The following CDC45 variants were observed in gnomAD, a reference collection of about 807,000 sequenced individuals.
CDC45 encodes the protein cell division cycle 45, also known as cell division control protein 45 homolog.
In CDC45, 54 loss-of-function variants were observed where a neutral mutation model predicts 77.8. The observed-to-expected ratio is 0.69, with a 90% confidence interval of 0.56 to 0.87. CDC45 has a LOEUF of 0.87. Among genes scored for constraint, CDC45 ranks in the 40% least tolerant of loss-of-function variants. The probability of loss-of-function intolerance (pLI) is 0.00; values close to 1 mark genes in which losing one functional copy is unlikely to be tolerated. For missense variants in CDC45, 649 were observed against 721.6 expected (o/e 0.90, Z 1.15); for synonymous variants, 260 against 272.1 (o/e 0.96, Z 0.44).
Position 19,484,018 on chromosome 22 carries a change from C to A in CDC45, c.486+13C>A. On this transcript the variant is annotated intron_variant, in intron 5 of 18. Coordinates refer to ENST00000263201, the MANE Select transcript of CDC45 (RefSeq NM_003504.5). ...ACGGTTAGAAGAGGTGAGTTTGGGTCTCTCACAGCTATCCCAGAGGAACTT... is the reference window on the plus strand; with the variant it reads ...ACGGTTAGAAGAGGTGAGTTTGGGTATCTCACAGCTATCCCAGAGGAACTT... 6.3e-7 allele frequency: 1 copy of A among 1,584,906 alleles called. No individual in the cohort carries two copies. Among genetic ancestry groups the A allele is most frequent in the South Asian group, 1.2e-5 (1 of 85,702 alleles).
At chr22:19,505,136 C>G (rs1010431520) in intron 9 of CDC45, 1 of 551,828 alleles carries the variant, frequency 1.8e-6, no homozygotes, top group Non-Finnish European at 3.3e-6. Context: ...CCATGAGGAC[C>G]GGAGGTGGAC....
At position 19,512,839 on chromosome 22, in the gene CDC45, G is replaced by T. The variant is rs2283654; in HGVS notation, c.1218-1910G>T. On this transcript the variant is annotated intron_variant, in intron 13 of 18. Transcript: ENST00000263201. Reference sequence around the variant, plus strand: ...CCTGAGGCTGAGTAATTTATAAAGAGAAAAGGTTTATTTGCCTCATAATTC... The same window carrying T: ...CCTGAGGCTGAGTAATTTATAAAGATAAAAGGTTTATTTGCCTCATAATTC... 1.8e-4 allele frequency among the ~76,000 whole-genome samples: 27 copies of T among 152,320 alleles called. 1 individual carries two copies. Among genetic ancestry groups the T allele is most frequent in the Admixed American group, 1.2e-3 (18 of 15,292 alleles).
At chr22:19,483,293 A>T (rs558367122) in intron 4 of CDC45, among the ~76,000 whole-genome samples, 1 of 152,106 alleles carries the variant, frequency 6.6e-6, no homozygotes, top group South Asian at 2.1e-4. Flanking sequence ...TTAGCCAGGC[A>T]TAGTGTTGGA....
At chr22:19,495,513 A>C (rs1186355382) in intron 6 of CDC45, among the ~76,000 whole-genome samples, 2 of 152,214 alleles carry the variant, frequency 1.3e-5, no homozygotes, top group Non-Finnish European at 2.9e-5. Context: ...ACACATATAC[A>C]TTCTGCTAAA....
intron 18 of CDC45, 141 bp downstream of exon 18, chr22:19,519,050 A>AT: frequency 2.9e-6 from 2 of 696,154 alleles, no homozygotes; most frequent in East Asian, 2.5e-5. Flanking sequence ...GAGCCAACAC[A>AT]TTTTTCCCAA....
At position 19,480,963 on chromosome 22, in the gene CDC45, A is replaced by G. The variant is rs995733252; in HGVS notation, c.122A>G (p.Gln41Arg). 4.3e-6 allele frequency: 7 copies of G among 1,611,116 alleles called. No homozygotes were observed. The African/African-American group carries it at 9.4e-5, about 22-fold the overall frequency. The change falls in exon 3 of 19, where the codon CAG becomes CGG. Residue 41 changes from glutamine to arginine, a missense_variant. Transcript: ENST00000263201. ...ACACTCTCTCTCCAGGCCTTGTTCC[A>G]GTGTGACCACGTGCAATATACGCTG... ...CACKILQALFQCDHVQYTLVP... is the reference protein window; with the variant it reads ...CACKILQALFRCDHVQYTLVP...
rs2073760 is a variant in CDC45, at chr22:19,518,933, G to T, written c.*1+24G>T. The T allele has an allele frequency of 0.39, 625,096 of 1,589,674 alleles. 127,956 individuals are homozygous for T. Among genetic ancestry groups the T allele is most frequent in the South Asian group, 0.44 (39,935 of 90,548 alleles). ...GGGTGAGTTACAGGGGTTCTGCAGG[G>T]GTGGCTGCAGCAGCCCCCTCAGAGC... On this transcript the variant is annotated intron_variant, in intron 18 of 18. Transcript: ENST00000263201.
At chr22:19,517,558 C>T (rs183217034) in intron 17 of CDC45, among the ~76,000 whole-genome samples, 20 of 152,326 alleles carry the variant, frequency 1.3e-4, no homozygotes, top group Middle Eastern at 6.8e-3. Context: ...TAACAAAGTG[C>T]CACAGACAGG....
intron 4 of CDC45, among the ~76,000 whole-genome samples, chr22:19,483,206 G>T (rs1399669942): frequency 1.3e-5 from 2 of 152,224 alleles, no homozygotes; most frequent in African/African-American, 4.8e-5. Flanking sequence ...GCCGAGGCAG[G>T]CGGATTACGA....
chr22:19,497,372 C>A lies in CDC45; in HGVS notation c.592-14C>A. The A allele has an allele frequency of 6.2e-7, 1 of 1,613,842 alleles. No individual in the cohort carries two copies. The highest frequency in any genetic ancestry group is 8.5e-7 in the Non-Finnish European group (1 of 1,179,760). On this transcript the variant is annotated splice_polypyrimidine_tract_variant and intron_variant, in intron 7 of 18. Coordinates refer to ENST00000263201, the MANE Select transcript of CDC45 (RefSeq NM_003504.5). Reference sequence around the variant, plus strand: ...CCCCTCCCATGAGCCTTAGACTTCTCTGCTTCCTTACAGTCAGCCATGGTG... The same window carrying A: ...CCCCTCCCATGAGCCTTAGACTTCTATGCTTCCTTACAGTCAGCCATGGTG...
chr22:19,503,622 A>G (rs748170770), intron 9 of CDC45, among the ~76,000 whole-genome samples: 1 of 152,204 alleles, frequency 6.6e-6, no homozygotes, highest in African/African-American at 2.4e-5. Context: ...AGACAAAGAC[A>G]AACAAAAGGC....
intron 2 of CDC45, among the ~76,000 whole-genome samples, chr22:19,480,460 G>T (rs1040543099): frequency 1.3e-5 from 2 of 152,154 alleles, no homozygotes; most frequent in African/African-American, 2.4e-5. Flanking sequence ...TTGTATTTTT[G>T]CAATAAGCTA....
chr22:19,489,988 G>T (rs1966377260), intron 5 of CDC45, among the ~76,000 whole-genome samples: 1 of 152,198 alleles, frequency 6.6e-6, no homozygotes, highest in Non-Finnish European at 1.5e-5. Flanking sequence ...GGATTGTGGT[G>T]TCCTTTTGGT....
At position 19,494,310 on chromosome 22, in the gene CDC45, C is replaced by G. The variant is rs765039909; in HGVS notation, c.487-17C>G. ...GTGCATTTGCTCCACCTTTTGTTCT[C>G]TTTGTCCCTGTATCAGGAGATAGTG... is the stretch of plus-strand genomic sequence containing the variant. On this transcript the variant is annotated splice_polypyrimidine_tract_variant and intron_variant, in intron 5 of 18. Coordinates refer to ENST00000263201, the MANE Select transcript of CDC45 (RefSeq NM_003504.5). The G allele has an allele frequency of 1.2e-6, 2 of 1,611,390 alleles. No homozygotes were observed. Among genetic ancestry groups the G allele is most frequent in the Admixed American group, 3.3e-5 (2 of 60,002 alleles).
intron 6 of CDC45, among the ~76,000 whole-genome samples, chr22:19,495,619 A>T (rs901777738): frequency 6.6e-6 from 1 of 152,176 alleles, no homozygotes; most frequent in African/African-American, 2.4e-5. Flanking sequence ...GGAGTTTGAG[A>T]CCAACCTGGA....
chr22:19,505,349 C>CT lies in CDC45; in HGVS notation c.705-5dup, dbSNP rs775146397. 26 of 1,613,538 alleles carry CT rather than the reference C, an allele frequency of 1.6e-5. No individual in the cohort carries two copies. In the African/African-American group the frequency reaches 2.5e-4, roughly 16 times the overall value. ...AGGGAACCAGCCGAGGCTTGTGCTACTTTTTTTTCCAGAATGAAATACGTG... is the reference window on the plus strand; with the variant it reads ...AGGGAACCAGCCGAGGCTTGTGCTACTTTTTTTTTCCAGAATGAAATACGTG... On this transcript the variant is annotated splice_polypyrimidine_tract_variant and intron_variant, in intron 9 of 18. Coordinates refer to ENST00000263201, the MANE Select transcript of CDC45 (RefSeq NM_003504.5).
At position 19,481,042 on chromosome 22, in the gene CDC45, A is replaced by G; in HGVS notation, c.201A>G (p.Glu67=). 1 of 1,607,198 alleles carries G rather than the reference A, an allele frequency of 6.2e-7. No individual in the cohort carries two copies. The highest frequency in any genetic ancestry group is 8.5e-7 in the Non-Finnish European group (1 of 1,173,934). Residue 67 remains glutamate, a synonymous_variant, in exon 3 of 19, where the codon GAA becomes GAG. Transcript: ENST00000263201. ...ELETAFLEHK[E]QFHYFILINC... ...AAACTGCATTTCTTGAGCATAAAGA[A>G]CAGGTATTGAAGATGCGTTTTAGAA...
rs202172934 is a variant in CDC45, at chr22:19,484,005, G to C, written c.486G>C (p.Glu162Asp). Residue 162 changes from glutamate (E) to aspartate (D), a missense_variant and splice_region_variant, in exon 5 of 19, where the codon GAG becomes GAC. Physicochemically the swap from Glu to Asp is conservative, Grantham distance 45. Transcript: ENST00000263201. ...CTGAGAAGCGCACACGGTTAGAAGA[G>C]GTGAGTTTGGGTCTCTCACAGCTAT... is the stretch of plus-strand genomic sequence containing the variant. ...EPSEKRTRLE[E>D]EIVEQTMRRR... 1.2e-5 allele frequency: 19 copies of C among 1,594,918 alleles called. No homozygotes were observed. The highest frequency in any genetic ancestry group is 1.6e-5 in the Non-Finnish European group (19 of 1,175,100).
At chr22:19,487,807 A>G (rs1306728455) in intron 5 of CDC45, among the ~76,000 whole-genome samples, 1 of 150,536 alleles carries the variant, frequency 6.6e-6, no homozygotes, top group Non-Finnish European at 1.5e-5. Context: ...AGCTACTCAG[A>G]AGGCTGAGGC....
Sources: gnomAD v4.1 joint callset for allele counts (sites outside exome capture counted in the v4.1 genomes callset) on GRCh38, gnomAD v4.1.1 for gene constraint, MANE v1.5 for transcripts, NCBI Gene and HGNC (gene_info 2026-07-23, HGNC 2026-07-21) for gene names.